RARB: variants seen among roughly 807,000 people sequenced by gnomAD.
RARB encodes the protein HBV-activated protein.
Under a neutral mutation model 51.9 loss-of-function variants are expected in RARB, and 17 were observed. That is an observed-to-expected ratio of 0.33 (90% CI 0.22 to 0.49). RARB has a LOEUF of 0.49. Among genes scored for constraint, RARB ranks in the 20% least tolerant of loss-of-function variants. The probability of loss-of-function intolerance (pLI) is 0.99; values close to 1 mark genes in which losing one functional copy is unlikely to be tolerated. For missense variants in RARB, 369 were observed against 550.8 expected (o/e 0.67, Z 3.30); for synonymous variants, 215 against 195.4 (o/e 1.10, Z -0.84).
intron 2 of RARB, among the ~76,000 whole-genome samples, chr3:24,917,920 A>C (rs897150159): frequency 2.0e-5 from 3 of 152,358 alleles, no homozygotes; most frequent in Middle Eastern, 3.4e-3. Flanking sequence ...GTGAAGATGT[A>C]GGTAATCTGG....
At chr3:25,097,344 C>A (rs1445726140) in intron 3 of RARB, among the ~76,000 whole-genome samples, 2 of 152,032 alleles carry the variant, frequency 1.3e-5, no homozygotes, top group Non-Finnish European at 2.9e-5. Flanking sequence ...AGCAAATTTG[C>A]AGGTACTAAA....
chr3:25,062,184 A>G lies in RARB; in HGVS notation c.-328+2008A>G, dbSNP rs564923127. Among the ~76,000 whole-genome samples the G allele has an allele frequency of 3.9e-5, 6 of 151,970 alleles. No individual in the cohort carries two copies. The East Asian group carries it at 9.6e-4, about 24-fold the overall frequency. ...ATAATTTGGTGGGAAAATAGATTAT[A>G]TTAACTGGATATTCTCAGAAGAAAT... is the stretch of plus-strand genomic sequence containing the variant. On this transcript the variant is annotated intron_variant, in intron 3 of 11. Coordinates refer to the RARB transcript ENST00000383772.
At chr3:25,066,240 C>A (rs1258942847) in intron 3 of RARB, among the ~76,000 whole-genome samples, 1 of 152,090 alleles carries the variant, frequency 6.6e-6, no homozygotes, top group Non-Finnish European at 1.5e-5. Flanking sequence ...ATTCAGTTTT[C>A]ATTTTCATAA....
At chr3:25,473,091 C>T (rs1575437535) in intron 2 of RARB, among the ~76,000 whole-genome samples, 1 of 152,302 alleles carries the variant, frequency 6.6e-6, no homozygotes, top group Non-Finnish European at 1.5e-5. Context: ...CTGAAAACCA[C>T]GCATCCCTCT....
At chr3:25,457,074 A>G (rs1054415236) in intron 1 of RARB, among the ~76,000 whole-genome samples, 1 of 152,028 alleles carries the variant, frequency 6.6e-6, no homozygotes, top group Admixed American at 6.5e-5. Context: ...TCTGTTTTAA[A>G]TCTTACAGTC....
intron 3 of RARB, among the ~76,000 whole-genome samples, chr3:25,109,898 G>A (rs1175770884): frequency 6.6e-6 from 1 of 152,196 alleles, no homozygotes; most frequent in African/African-American, 2.4e-5. Flanking sequence ...AGCCCCACAA[G>A]ATACCCCTGT....
chr3:25,240,301 A>T (rs1252010049), intron 5 of RARB, among the ~76,000 whole-genome samples: 1 of 152,070 alleles, frequency 6.6e-6, no homozygotes, highest in Non-Finnish European at 1.5e-5. Flanking sequence ...CCTCATTTTC[A>T]ATTTGGATGC....
At chr3:25,310,506 A>G (rs1704262238) in intron 5 of RARB, among the ~76,000 whole-genome samples, 1 of 152,234 alleles carries the variant, frequency 6.6e-6, no homozygotes, top group African/African-American at 2.4e-5. Flanking sequence ...TAGTAACCAC[A>G]TGAGACCTGG....
chr3:25,336,285 T>C (rs1210958885), intron 5 of RARB, among the ~76,000 whole-genome samples: 1 of 152,244 alleles, frequency 6.6e-6, no homozygotes, highest in Non-Finnish European at 1.5e-5. Context: ...TAGTCTATTA[T>C]GAGAATGACA....
chr3:24,860,420 T>A lies in RARB; in HGVS notation c.-380+1668T>A, dbSNP rs563164080. ...GGTTGCTGCTTTTCAGCAGGTCATT[T>A]GGCAGAAGGTTTCTTTACATTCTGC... On this transcript the variant is annotated intron_variant, in intron 2 of 11. Coordinates refer to the RARB transcript ENST00000383772. Among the ~76,000 whole-genome samples the A allele has an allele frequency of 4.6e-5, 7 of 152,330 alleles. No individual in the cohort carries two copies. The South Asian group carries it at 1.4e-3, about 32-fold the overall frequency.
At chr3:25,113,198 T>G (rs963586638) in intron 3 of RARB, among the ~76,000 whole-genome samples, 1 of 152,220 alleles carries the variant, frequency 6.6e-6, no homozygotes, top group African/African-American at 2.4e-5. Flanking sequence ...TCATGTGGTC[T>G]GGTACCAATT....
chr3:25,053,601 TACA>T (rs1192295608), intron 2 of RARB, among the ~76,000 whole-genome samples: 1 of 152,178 alleles, frequency 6.6e-6, no homozygotes. Flanking sequence ...GGAAAACAGT[TACA>T]ACACTTTTGA....
intron 2 of RARB, among the ~76,000 whole-genome samples, chr3:24,898,621 CTTT>C (rs1047138623): frequency 2.6e-5 from 4 of 152,096 alleles, no homozygotes; most frequent in African/African-American, 9.7e-5. Context: ...GGGGTGAATA[CTTT>C]TTCTTCTACT....
chr3:25,533,739 G>GA, intron 3 of RARB, among the ~76,000 whole-genome samples: 1 of 152,184 alleles, frequency 6.6e-6, no homozygotes, highest in East Asian at 1.9e-4. Flanking sequence ...AAATGAAAAA[G>GA]AAAACCAATT....
chr3:24,878,599 G>T (rs1397913875), intron 2 of RARB, among the ~76,000 whole-genome samples: 1 of 152,120 alleles, frequency 6.6e-6, no homozygotes, highest in Non-Finnish European at 1.5e-5. Context: ...GCTATTGTGT[G>T]CATTGTAGGA....
chr3:25,203,504 T>A (rs2125372506), intron 5 of RARB, among the ~76,000 whole-genome samples: 1 of 152,348 alleles, frequency 6.6e-6, no homozygotes, highest in Admixed American at 6.5e-5. Flanking sequence ...TGCTCATTAG[T>A]TGATGCAGTT....
chr3:24,951,290 A>T (rs1296772625), intron 2 of RARB, among the ~76,000 whole-genome samples: 2 of 152,120 alleles, frequency 1.3e-5, no homozygotes, highest in East Asian at 3.9e-4. Context: ...TCCCATGCAG[A>T]GGAGGAAAAT....
intron 1 of RARB, among the ~76,000 whole-genome samples, chr3:24,837,925 T>A (rs1702364706): frequency 6.6e-6 from 1 of 152,190 alleles, no homozygotes; most frequent in African/African-American, 2.4e-5. Context: ...ACACATTCAC[T>A]ATATCACCAT....
intron 2 of RARB, among the ~76,000 whole-genome samples, chr3:25,035,273 C>T (rs1697965456): frequency 6.6e-6 from 1 of 152,030 alleles, no homozygotes; most frequent in African/African-American, 2.4e-5. Context: ...AAGCACATGC[C>T]ACCAACCCTG....
Sources: allele counts gnomAD v4.1 joint callset (sites outside exome capture counted in the v4.1 genomes callset), GRCh38; gene constraint gnomAD v4.1.1; transcripts MANE v1.5; gene names NCBI Gene and HGNC (gene_info 2026-07-23, HGNC 2026-07-21).